The following DPP10 variants were observed in gnomAD, a reference collection of about 807,000 sequenced individuals.
The protein encoded by DPP10 is dipeptidyl peptidase like 10, also known as inactive dipeptidyl peptidase 10.
DPP10 carries 33 observed loss-of-function variants against 120.9 expected under a neutral mutation model. The ratio of observed to expected loss-of-function variants is 0.27; its 90% CI spans 0.21 to 0.37. DPP10 has a LOEUF of 0.37. Among genes scored for constraint, DPP10 ranks in the 10% least tolerant of loss-of-function variants. The pLI, the probability that DPP10 is intolerant of heterozygous loss-of-function variation, is 1.00. For missense variants in DPP10, 816 were observed against 942.8 expected (o/e 0.87, Z 1.76); for synonymous variants, 337 against 326.1 (o/e 1.03, Z -0.36).
chr2:115,045,407 T>C (rs1704986434), intron 1 of DPP10, among the ~76,000 whole-genome samples: 2 of 152,216 alleles, frequency 1.3e-5, no homozygotes, highest in Admixed American at 1.3e-4. Context: ...CTTATTTGGG[T>C]TAAATATCAG....
intron 5 of DPP10, among the ~76,000 whole-genome samples, chr2:115,599,156 T>C (rs1011356900): frequency 1.3e-5 from 2 of 152,140 alleles, no homozygotes; most frequent in African/African-American, 4.8e-5. Flanking sequence ...CTACAAAATA[T>C]ATTCTGAATT....
chr2:114,535,967 A>T (rs1179930356), intron 1 of DPP10, among the ~76,000 whole-genome samples: 3 of 152,028 alleles, frequency 2.0e-5, no homozygotes, highest in Non-Finnish European at 2.9e-5. Context: ...GCCCTTACAC[A>T]TGCTGCTCTC....
chr2:115,387,233 G>A (rs2067007818), intron 3 of DPP10, among the ~76,000 whole-genome samples: 1 of 152,124 alleles, frequency 6.6e-6, no homozygotes, highest in African/African-American at 2.4e-5. Context: ...AGGCTCCAAT[G>A]GAGATGGGGG....
chr2:115,269,169 G>C (rs989068602), intron 1 of DPP10, among the ~76,000 whole-genome samples: 11 of 152,198 alleles, frequency 7.2e-5, no homozygotes, highest in Middle Eastern at 3.4e-3. Context: ...AAAAGAAACA[G>C]AAGCTCAATA....
At chr2:115,021,121 A>G (rs1703041643) in intron 1 of DPP10, among the ~76,000 whole-genome samples, 2 of 152,094 alleles carry the variant, frequency 1.3e-5, no homozygotes, top group African/African-American at 4.8e-5. Context: ...TAGAGAAACA[A>G]GAACAATACA....
chr2:115,791,404 A>AT (rs367883347), intron 19 of DPP10, 48 bp downstream of exon 19: 1 of 1,499,150 alleles, frequency 6.7e-7, no homozygotes, highest in Non-Finnish European at 9.0e-7. Flanking sequence ...AAGATTTTAT[A>AT]TTTTTGTGTC....
At chr2:115,533,587 C>T (rs2078606230) in intron 5 of DPP10, among the ~76,000 whole-genome samples, 1 of 152,190 alleles carries the variant, frequency 6.6e-6, no homozygotes, top group Non-Finnish European at 1.5e-5. Context: ...GACCTTAATA[C>T]TTCAGTGCTT....
At chr2:114,521,538 T>G (rs1200257315) in intron 1 of DPP10, among the ~76,000 whole-genome samples, 1 of 152,104 alleles carries the variant, frequency 6.6e-6, no homozygotes, top group Non-Finnish European at 1.5e-5. Flanking sequence ...ATATAAATTA[T>G]AGTCTAAAAA....
intron 5 of DPP10, among the ~76,000 whole-genome samples, chr2:115,630,769 G>C (rs1013433764): frequency 3.3e-5 from 5 of 152,116 alleles, no homozygotes; most frequent in African/African-American, 4.8e-5. Flanking sequence ...GATCATGGTG[G>C]ATAAGCTTTT....
chr2:115,397,231 G>C (rs2067746969), intron 3 of DPP10, among the ~76,000 whole-genome samples: 1 of 152,066 alleles, frequency 6.6e-6, no homozygotes, highest in Non-Finnish European at 1.5e-5. Flanking sequence ...GTTTGAGTTG[G>C]GTGATGTAAC....
At chr2:115,177,239 A>T (rs891808369) in intron 1 of DPP10, among the ~76,000 whole-genome samples, 1 of 152,200 alleles carries the variant, frequency 6.6e-6, no homozygotes, top group Non-Finnish European at 1.5e-5. Flanking sequence ...TAAACTTTAC[A>T]ATTTAGAAAA....
chr2:114,477,966 T>TATATATGTGTATATATGTAC (rs1422781290), intron 1 of DPP10, among the ~76,000 whole-genome samples: 2 of 149,080 alleles, frequency 1.3e-5, no homozygotes, highest in East Asian at 1.9e-4. Context: ...TGTGTATATG[T>TATATATGTGTATATATGTAC]ATATATGTGT....
intron 1 of DPP10, among the ~76,000 whole-genome samples, chr2:114,779,289 A>C (rs1302551383): frequency 6.6e-6 from 1 of 152,126 alleles, no homozygotes; most frequent in Non-Finnish European, 1.5e-5. Flanking sequence ...AGGAAAAAAC[A>C]GGCAACCAGA....
At chr2:115,329,833 T>C (rs906342512) in intron 2 of DPP10, among the ~76,000 whole-genome samples, 8 of 152,182 alleles carry the variant, frequency 5.3e-5, no homozygotes, top group Non-Finnish European at 1.2e-4. Context: ...ATCCAGTCTA[T>C]CATTGATGGA....
At position 115,415,876 on chromosome 2, in the gene DPP10, T is replaced by A. The variant is rs957866490; in HGVS notation, c.271+71964T>A. Among the ~76,000 whole-genome samples the A allele has an allele frequency of 3.0e-5, 4 of 133,162 alleles. No homozygotes were observed. In the South Asian group the frequency reaches 9.5e-4, roughly 32 times the overall value. The allele number at this position is 133,162 out of a possible 152,430, so 87.4% of individuals were successfully genotyped here. ...ATATATATATATATATATATATATA[T>A]GCACACACACACATACATTCATATT... On this transcript the variant is annotated intron_variant, in intron 3 of 25. Transcript: ENST00000410059.
chr2:114,847,865 A>C (rs1162440238), intron 1 of DPP10, among the ~76,000 whole-genome samples: 1 of 152,208 alleles, frequency 6.6e-6, no homozygotes, highest in African/African-American at 2.4e-5. Context: ...TTCAGGCAAC[A>C]GGGCAAACAG....
At chr2:114,497,187 A>C (rs758845216) in intron 1 of DPP10, among the ~76,000 whole-genome samples, 14 of 149,964 alleles carry the variant, frequency 9.3e-5, no homozygotes, top group Non-Finnish European at 1.6e-4. Flanking sequence ...GTGTACGTGT[A>C]TACATGTGTA....
intron 1 of DPP10, among the ~76,000 whole-genome samples, chr2:115,294,729 A>G (rs1403432381): frequency 6.6e-6 from 1 of 152,116 alleles, no homozygotes; most frequent in Non-Finnish European, 1.5e-5. Context: ...GTTTGAGACA[A>G]CTATTAAGCC....
At chr2:115,150,356 C>T (rs2051468183) in intron 1 of DPP10, among the ~76,000 whole-genome samples, 2 of 152,148 alleles carry the variant, frequency 1.3e-5, no homozygotes, top group African/African-American at 4.8e-5. Flanking sequence ...AAAGGAACAT[C>T]TTCTATTTGC....
Sources: gnomAD v4.1 joint callset for allele counts (sites outside exome capture counted in the v4.1 genomes callset) on GRCh38, gnomAD v4.1.1 for gene constraint, MANE v1.5 for transcripts, NCBI Gene and HGNC (gene_info 2026-07-23, HGNC 2026-07-21) for gene names.